Variants in NCAM2 observed in about 807,000 individuals in gnomAD.
NCAM2 encodes the protein neural cell adhesion molecule 2, also known as N-CAM-2.
In NCAM2, 30 loss-of-function variants were observed where a neutral mutation model predicts 98.1. That is an observed-to-expected ratio of 0.31 (90% CI 0.23 to 0.41). The LOEUF is 0.41. NCAM2 is among the 10% of genes least tolerant of loss of function. The pLI is 1.00. For missense variants in NCAM2, 867 were observed against 1,005.8 expected (o/e 0.86, Z 1.87); for synonymous variants, 368 against 342.4 (o/e 1.07, Z -0.83).
chr21:21,107,136 C>T (rs2066365603), intron 1 of NCAM2, among the ~76,000 whole-genome samples: 1 of 152,048 alleles, frequency 6.6e-6, no homozygotes, highest in African/African-American at 2.4e-5. Context: ...GTAATAACAG[C>T]CATAATAATA....
intron 1 of NCAM2, among the ~76,000 whole-genome samples, chr21:21,076,391 C>G (rs910154409): frequency 2.0e-5 from 3 of 152,100 alleles, no homozygotes; most frequent in Admixed American, 1.3e-4. Context: ...CTTATACTTG[C>G]AAAAATTTGT....
intron 1 of NCAM2, among the ~76,000 whole-genome samples, chr21:21,039,553 T>G (rs1683022865): frequency 6.6e-6 from 1 of 152,198 alleles, no homozygotes; most frequent in Admixed American, 6.5e-5. Context: ...ATATCACATG[T>G]ACCCCATAAA....
chr21:21,264,211 A>G (rs2072034402), intron 1 of NCAM2, among the ~76,000 whole-genome samples: 2 of 152,144 alleles, frequency 1.3e-5, no homozygotes, highest in Admixed American at 1.3e-4. Flanking sequence ...TCTTAAAAGA[A>G]GACATACAAG....
At chr21:21,020,217 G>C (rs1291028435) in intron 1 of NCAM2, among the ~76,000 whole-genome samples, 1 of 152,050 alleles carries the variant, frequency 6.6e-6, no homozygotes, top group Middle Eastern at 3.4e-3. Flanking sequence ...TGTATTTTTA[G>C]AAGAGATGGG....
intron 1 of NCAM2, among the ~76,000 whole-genome samples, chr21:21,124,801 T>A (rs1344758346): frequency 2.0e-5 from 3 of 152,180 alleles, no homozygotes; most frequent in Non-Finnish European, 4.4e-5. Flanking sequence ...GCTTCTCTTA[T>A]GAAGAGTCTC....
At chr21:21,263,771 C>T (rs951337164) in intron 1 of NCAM2, among the ~76,000 whole-genome samples, 15 of 152,016 alleles carry the variant, frequency 9.9e-5, no homozygotes, top group South Asian at 4.1e-4. Context: ...GATGGCTATT[C>T]AATAAATGAT....
intron 7 of NCAM2, among the ~76,000 whole-genome samples, 154 bp from the exon 8 acceptor site, chr21:21,338,235 T>C (rs528185916): frequency 4.6e-5 from 7 of 152,262 alleles, no homozygotes; most frequent in African/African-American, 1.7e-4. Flanking sequence ...TCAACTGTCC[T>C]GGTACGTCTG....
At chr21:21,030,218 G>T (rs1412897834) in intron 1 of NCAM2, among the ~76,000 whole-genome samples, 4 of 152,010 alleles carry the variant, frequency 2.6e-5, no homozygotes, top group Non-Finnish European at 5.9e-5. Context: ...ATCTTTTAAG[G>T]TAAATACTTT....
At chr21:21,022,866 A>G (rs2064465855) in intron 1 of NCAM2, among the ~76,000 whole-genome samples, 1 of 152,120 alleles carries the variant, frequency 6.6e-6, no homozygotes, top group Non-Finnish European at 1.5e-5. Context: ...ATCTTACAAT[A>G]ATTAAATAAC....
At chr21:21,212,979 A>G (rs2147091207) in intron 1 of NCAM2, among the ~76,000 whole-genome samples, 1 of 152,062 alleles carries the variant, frequency 6.6e-6, no homozygotes, top group East Asian at 1.9e-4. Flanking sequence ...TGACCTCATG[A>G]TCCGCCCGCC....
chr21:21,273,643 CAAAG>C (rs1030024109), intron 1 of NCAM2, among the ~76,000 whole-genome samples: 5 of 152,032 alleles, frequency 3.3e-5, no homozygotes, highest in East Asian at 3.9e-4. Flanking sequence ...GAATAAAAAA[CAAAG>C]AAAGAATGGA....
chr21:21,076,673 A>T, intron 1 of NCAM2, among the ~76,000 whole-genome samples: 1 of 152,332 alleles, frequency 6.6e-6, no homozygotes, highest in Admixed American at 6.5e-5. Context: ...CACGAAGTTT[A>T]GTTTGTAGCA....
At chr21:21,210,449 A>G (rs959048428) in intron 1 of NCAM2, 2 of 1,081,004 alleles carry the variant, frequency 1.9e-6, no homozygotes, top group Non-Finnish European at 2.4e-6. Flanking sequence ...AGGACACTCC[A>G]TGACATATTT....
At chr21:21,033,575 C>CTT (rs2064735120) in intron 1 of NCAM2, among the ~76,000 whole-genome samples, 1 of 151,980 alleles carries the variant, frequency 6.6e-6, no homozygotes, top group African/African-American at 2.4e-5. Flanking sequence ...CCCCCCAAAA[C>CTT]AATGGCGTGA....
chr21:21,323,190 A>G (rs537919910), intron 5 of NCAM2, among the ~76,000 whole-genome samples: 1 of 152,322 alleles, frequency 6.6e-6, no homozygotes, highest in South Asian at 2.1e-4. Context: ...AACAGGGTAC[A>G]GATAGTCAAA....
intron 9 of NCAM2, among the ~76,000 whole-genome samples, chr21:21,385,411 TAC>T (rs1555885265): frequency 9.4e-6 from 1 of 105,918 alleles, no homozygotes; most frequent in African/African-American, 3.2e-5. Context: ...CACACACACA[TAC>T]ACACACACAA....
chr21:21,371,621 C>T (rs568242382), intron 8 of NCAM2, among the ~76,000 whole-genome samples: 1 of 151,872 alleles, frequency 6.6e-6, no homozygotes, highest in Admixed American at 6.6e-5. Flanking sequence ...ACCCTTCTTT[C>T]ACTATTTACA....
At chr21:21,379,643 A>G (rs2076108743) in intron 9 of NCAM2, among the ~76,000 whole-genome samples, 1 of 152,038 alleles carries the variant, frequency 6.6e-6, no homozygotes, top group Non-Finnish European at 1.5e-5. Context: ...TTATATGTAT[A>G]AAGATTTTAT....
intron 8 of NCAM2, among the ~76,000 whole-genome samples, chr21:21,343,081 C>G (rs1384709996): frequency 6.6e-6 from 1 of 152,080 alleles, no homozygotes; most frequent in Non-Finnish European, 1.5e-5. Context: ...TCAGAAGAAG[C>G]TTTGTTTTTA....
Sources: gnomAD v4.1 joint callset for allele counts (sites outside exome capture counted in the v4.1 genomes callset) on GRCh38, gnomAD v4.1.1 for gene constraint, MANE v1.5 for transcripts, NCBI Gene and HGNC (gene_info 2026-07-23, HGNC 2026-07-21) for gene names.